UBAC2: variants seen among roughly 807,000 people sequenced by gnomAD.
UBAC2 encodes the protein UBA domain containing 2.
In UBAC2, 26 loss-of-function variants were observed where a neutral mutation model predicts 44.0. The observed-to-expected ratio is 0.59, with a 90% CI of 0.43 to 0.82. The LOEUF (loss-of-function observed/expected upper bound fraction) is 0.82. UBAC2 is among the 40% of genes least tolerant of loss of function. UBAC2 has a pLI of 0.00. For missense variants in UBAC2, 329 were observed against 419.4 expected, an observed-to-expected ratio of 0.78 and a Z score of 1.88; for synonymous variants, 155 against 154.3, an observed-to-expected ratio of 1.00 and a Z score of -0.04.
intron 1 of UBAC2, among the ~76,000 whole-genome samples, chr13:99,209,995 T>C (rs1028793541): frequency 2.0e-5 from 3 of 151,932 alleles, no homozygotes; most frequent in Non-Finnish European, 4.4e-5. Flanking sequence ...AAAACAAATT[T>C]AGCTAAAAAG....
intron 4 of UBAC2, among the ~76,000 whole-genome samples, chr13:99,297,952 G>GA (rs78987394): frequency 0.25 from 38,209 of 151,906 alleles, 6,011 homozygotes; most frequent in Non-Finnish European, 0.35. Context: ...ATTAACATCA[G>GA]AAAAAATAGA....
chr13:99,268,622 A>AAG (rs2043775441), intron 4 of UBAC2, among the ~76,000 whole-genome samples: 2 of 142,066 alleles, frequency 1.4e-5, no homozygotes, highest in South Asian at 2.6e-4. Flanking sequence ...AAAAAAAAAA[A>AAG]AAAAAAAAAA....
intron 6 of UBAC2, among the ~76,000 whole-genome samples, chr13:99,335,213 A>C (rs1268209325): frequency 6.6e-6 from 1 of 152,246 alleles, no homozygotes; most frequent in East Asian, 1.9e-4. Context: ...ACTTCATTCA[A>C]ATCTCACAGC....
intron 1 of UBAC2, among the ~76,000 whole-genome samples, chr13:99,203,581 G>C (rs1267082431): frequency 6.6e-6 from 1 of 152,060 alleles, no homozygotes; most frequent in Non-Finnish European, 1.5e-5. Flanking sequence ...GTGTCTGTTG[G>C]GTACCCATAT....
intron 7 of UBAC2, among the ~76,000 whole-genome samples, chr13:99,354,301 G>C (rs940989677): frequency 2.0e-5 from 3 of 152,376 alleles, no homozygotes; most frequent in Non-Finnish European, 4.4e-5. Flanking sequence ...TCCTGCAGCG[G>C]CTCTGGCAGG....
chr13:99,241,710 A>G (rs1413411057), intron 2 of UBAC2, among the ~76,000 whole-genome samples: 1 of 147,974 alleles, frequency 6.8e-6, no homozygotes, highest in Non-Finnish European at 1.5e-5. Context: ...TGTATACTCA[A>G]TAGTTAAAAT....
intron 4 of UBAC2, chr13:99,255,419 T>C (rs752505629): frequency 2.3e-5 from 37 of 1,613,942 alleles, no homozygotes; most frequent in Non-Finnish European, 2.9e-5. Context: ...GGGGTGGTCG[T>C]GGTCAGGGTC....
Position 99,340,308 on chromosome 13 carries a change from T to A in UBAC2, c.562-12T>A. 1 of 1,611,978 alleles carries A rather than the reference T, an allele frequency of 6.2e-7. No homozygotes were observed. The highest frequency in any genetic ancestry group is 1.1e-5 in the South Asian group (1 of 90,848). On this transcript the variant is annotated splice_polypyrimidine_tract_variant and intron_variant, in intron 6 of 8. Transcript: ENST00000403766. ...TACATTTAAACAATCACATTGGACG[T>A]TTTTCTTCTAGATGTCCGGTCTGTG...
At chr13:99,337,684 C>T (rs575677074) in intron 6 of UBAC2, among the ~76,000 whole-genome samples, 9 of 152,324 alleles carry the variant, frequency 5.9e-5, no homozygotes, top group African/African-American at 2.2e-4. Flanking sequence ...CCTATGCTGA[C>T]AGCCGCATGA....
At chr13:99,223,542 G>GTTTTTTTTTTT (rs145143990) in intron 1 of UBAC2, among the ~76,000 whole-genome samples, 19 of 62,444 alleles carry the variant, frequency 3.0e-4, no homozygotes, top group Admixed American at 5.6e-4. Flanking sequence ...CTCTTTTTCT[G>GTTTTTTTTTTT]TTTTTTTTTT....
At chr13:99,368,054 C>T (rs1030617816) in intron 8 of UBAC2, 148 bp downstream of exon 8, 30 of 827,500 alleles carry the variant, frequency 3.6e-5, no homozygotes, top group South Asian at 1.8e-4. Context: ...AGACTTTGGG[C>T]TTTTTTTTGG....
Position 99,241,880 on chromosome 13 carries a change from TGCGGCCTTCC to T in UBAC2, c.160-1949_160-1940del, listed in dbSNP as rs753288447. 1.3e-4 allele frequency among the ~76,000 whole-genome samples: 20 copies of T among 149,758 alleles called. No homozygotes were observed. In the East Asian group the frequency reaches 3.7e-3, roughly 28 times the overall value. Reference sequence around the variant, plus strand: ...TCTGGTTTTCCTAGGCAGAGGACCCTGCGGCCTTCCGCAGTGTTTGTGTCCCTGGGTACTT... The same window carrying T: ...TCTGGTTTTCCTAGGCAGAGGACCCTGCAGTGTTTGTGTCCCTGGGTACTT... On this transcript the variant is annotated intron_variant, in intron 2 of 8. Transcript: ENST00000403766.
rs755502855 is a variant in UBAC2, at chr13:99,255,452, C to G, written c.389+10828C>G. Reference sequence around the variant, plus strand: ...GTCATTATCCAGACTCCCACACACGCCAGCACGGCTTTGCACGTGTTTTTA... The same window carrying G: ...GTCATTATCCAGACTCCCACACACGGCAGCACGGCTTTGCACGTGTTTTTA... On this transcript the variant is annotated intron_variant, in intron 4 of 8. Coordinates refer to ENST00000403766, the MANE Select transcript of UBAC2 (RefSeq NM_001144072.2). 12 of 1,614,054 alleles carry G rather than the reference C, an allele frequency of 7.4e-6. 1 individual carries two copies. The South Asian group carries it at 1.3e-4, about 18-fold the overall frequency.
chr13:99,248,144 G>C (rs914242472), intron 4 of UBAC2, among the ~76,000 whole-genome samples: 1 of 152,112 alleles, frequency 6.6e-6, no homozygotes, highest in East Asian at 1.9e-4. Context: ...TACAGTGAAC[G>C]TGTATTGTTT....
At chr13:99,269,861 T>G (rs1330077633) in intron 4 of UBAC2, among the ~76,000 whole-genome samples, 1 of 152,144 alleles carries the variant, frequency 6.6e-6, no homozygotes, top group East Asian at 1.9e-4. Context: ...AAGCTTTAAC[T>G]CCTCTAAAAT....
At chr13:99,371,326 A>T (rs922927361) in intron 8 of UBAC2, among the ~76,000 whole-genome samples, 1 of 152,218 alleles carries the variant, frequency 6.6e-6, no homozygotes, top group African/African-American at 2.4e-5. Context: ...TTTCTTATAC[A>T]TTGATTTTCT....
At chr13:99,299,831 A>T (rs2044231951) in intron 4 of UBAC2, among the ~76,000 whole-genome samples, 3 of 152,192 alleles carry the variant, frequency 2.0e-5, no homozygotes, top group African/African-American at 7.2e-5. Context: ...GCAGGTGATA[A>T]AACTGACAAT....
rs372421029 is a variant in UBAC2, at chr13:99,367,840, C to T, written c.861C>T (p.Asn287=). The T allele has an allele frequency of 2.4e-5, 39 of 1,613,848 alleles. No individual in the cohort carries two copies. In the Admixed American group the frequency reaches 4.7e-4, roughly 19 times the overall value. ...RLFPPLRQRQ[N]VNYQGGRQSE... ...TTCCTCCTTTACGTCAGCGACAAAA[C>T]GTAAACTATCAGGGCGGTCGGCAGT... The change falls in exon 8 of 9, where the codon AAC becomes AAT. Residue 287 remains asparagine, a synonymous_variant. Coordinates refer to ENST00000403766, the MANE Select transcript of UBAC2 (RefSeq NM_001144072.2).
intron 1 of UBAC2, among the ~76,000 whole-genome samples, chr13:99,236,775 G>A (rs1231588710): frequency 2.0e-5 from 3 of 152,022 alleles, no homozygotes; most frequent in African/African-American, 4.8e-5. Flanking sequence ...ACTTGAATCC[G>A]GGGGGCAGAG....
Sources: allele counts gnomAD v4.1 joint callset (sites outside exome capture counted in the v4.1 genomes callset), GRCh38; gene constraint gnomAD v4.1.1; transcripts MANE v1.5; gene names NCBI Gene and HGNC (gene_info 2026-07-23, HGNC 2026-07-21).